Variants in TBC1D19 observed in about 807,000 individuals in gnomAD.
TBC1D19 encodes the protein TBC1 domain family member 19, also known as TBC1 domain family, member 19.
TBC1D19 carries 60 observed loss-of-function variants against 89.0 expected under a neutral mutation model. That is an observed-to-expected ratio of 0.67 (90% CI 0.55 to 0.84). The LOEUF is 0.84. Ranked by LOEUF, TBC1D19 falls within the 40% of genes least tolerant of loss-of-function variation. The probability of loss-of-function intolerance (pLI) is 0.00; values close to 1 mark genes in which losing one functional copy is unlikely to be tolerated. For synonymous variants in TBC1D19, 189 were observed against 199.7 expected, an observed-to-expected ratio of 0.95 and a Z score of 0.45; for missense variants, 500 against 610.8, an observed-to-expected ratio of 0.82 and a Z score of 1.91.
chr4:26,626,688 T>A (rs900193390), intron 4 of TBC1D19, among the ~76,000 whole-genome samples: 1 of 152,030 alleles, frequency 6.6e-6, no homozygotes, highest in Non-Finnish European at 1.5e-5. Context: ...CCAGTAACCT[T>A]GGCAAAAATG....
chr4:26,602,426 T>C (rs1390129827), intron 1 of TBC1D19, among the ~76,000 whole-genome samples: 1 of 146,424 alleles, frequency 6.8e-6, no homozygotes, highest in Non-Finnish European at 1.5e-5. Context: ...TACCAAACCC[T>C]ATTGTATTCT....
chr4:26,644,550 A>C (rs1170825137), intron 7 of TBC1D19, among the ~76,000 whole-genome samples: 1 of 152,210 alleles, frequency 6.6e-6, no homozygotes, highest in African/African-American at 2.4e-5. Flanking sequence ...CCTATTCAAC[A>C]TAGTGTTGGA....
chr4:26,669,350 C>A (rs987599762), intron 9 of TBC1D19, among the ~76,000 whole-genome samples: 1 of 151,716 alleles, frequency 6.6e-6, no homozygotes. Context: ...ATGTTACTAT[C>A]TTATAAAGAC....
the TBC1D19 span, among the ~76,000 whole-genome samples, chr4:26,777,439 T>G: frequency 4.0e-5 from 6 of 150,422 alleles, no homozygotes; most frequent in Non-Finnish European, 8.9e-5. Flanking sequence ...TCTGCCTGTT[T>G]GTTTGGTTTT....
rs548293592 is a variant in TBC1D19 at position 26,660,781 on chromosome 4, C to T, written c.591+1074C>T. Among the ~76,000 whole-genome samples, 184 of 152,330 alleles carry T rather than the reference C, an allele frequency of 1.2e-3. 1 individual carries two copies. Among genetic ancestry groups the T allele is most frequent in the Non-Finnish European group, 2.1e-3 (145 of 68,028 alleles). On this transcript the variant is annotated intron_variant, in intron 8 of 20. Coordinates refer to ENST00000264866, the MANE Select transcript of TBC1D19 (RefSeq NM_018317.4). ...CTGCCTTTGTGTGGCAGCTACACTG[C>T]CCCTCTACAGAGGTATGAATCTCAG...
chr4:26,851,087 A>G, the TBC1D19 span, among the ~76,000 whole-genome samples: 3 of 152,204 alleles, frequency 2.0e-5, no homozygotes, highest in African/African-American at 7.2e-5. Context: ...CAGGTTTCCC[A>G]GCCTTTAGAC....
the TBC1D19 span, among the ~76,000 whole-genome samples, chr4:26,816,394 T>C: frequency 2.6e-5 from 4 of 152,172 alleles, no homozygotes; most frequent in Admixed American, 6.5e-5. Context: ...AATAACTGAT[T>C]CTGGCAGAGG....
upstream of TBC1D19, among the ~76,000 whole-genome samples, chr4:26,581,566 C>T (rs1190760935): frequency 3.9e-5 from 6 of 152,156 alleles, no homozygotes; most frequent in East Asian, 1.2e-3. Flanking sequence ...TTTTTTATGG[C>T]TGCGTAGTAT....
intron 15 of TBC1D19, among the ~76,000 whole-genome samples, chr4:26,732,564 T>C (rs1717730975): frequency 6.6e-6 from 1 of 152,180 alleles, no homozygotes; most frequent in Non-Finnish European, 1.5e-5. Flanking sequence ...GGATGGTTGA[T>C]GGGGCAGGAG....
the TBC1D19 span, among the ~76,000 whole-genome samples, chr4:26,818,683 T>G: frequency 6.6e-6 from 1 of 152,194 alleles, no homozygotes; most frequent in African/African-American, 2.4e-5. Context: ...CAAACACACA[T>G]TTTTGTCCTG....
At chr4:26,806,407 T>G in the TBC1D19 span, among the ~76,000 whole-genome samples, 1 of 152,240 alleles carries the variant, frequency 6.6e-6, no homozygotes, top group Non-Finnish European at 1.5e-5. Flanking sequence ...TGAGTTTAAA[T>G]GTACACTGAA....
chr4:26,722,173 A>C (rs1717021812), intron 15 of TBC1D19, among the ~76,000 whole-genome samples: 1 of 152,178 alleles, frequency 6.6e-6, no homozygotes, highest in Admixed American at 6.6e-5. Flanking sequence ...TTTGAACTCA[A>C]TTAGAGGTTT....
the TBC1D19 span, among the ~76,000 whole-genome samples, chr4:26,801,259 T>A: frequency 6.6e-6 from 1 of 152,006 alleles, no homozygotes; most frequent in Admixed American, 6.5e-5. Flanking sequence ...ATTTATTAAA[T>A]AGGAAATCCT....
At chr4:26,699,004 T>C (rs569281424) in intron 13 of TBC1D19, among the ~76,000 whole-genome samples, 5 of 152,278 alleles carry the variant, frequency 3.3e-5, no homozygotes, top group African/African-American at 7.2e-5. Flanking sequence ...AAAGCCAAAA[T>C]TGACAAATGT....
At chr4:26,621,028 C>G (rs191866761) in intron 4 of TBC1D19, among the ~76,000 whole-genome samples, 1 of 151,956 alleles carries the variant, frequency 6.6e-6, no homozygotes, top group Admixed American at 6.6e-5. Flanking sequence ...GAACTGACAC[C>G]CTCTTTCCTT....
chr4:26,689,288 G>GT (rs35455816), intron 13 of TBC1D19, among the ~76,000 whole-genome samples: 1 of 151,810 alleles, frequency 6.6e-6, no homozygotes, highest in African/African-American at 2.4e-5. Flanking sequence ...AAAATTTTTT[G>GT]TTTTTTTAAG....
intron 7 of TBC1D19, among the ~76,000 whole-genome samples, chr4:26,644,627 A>T (rs1743789786): frequency 6.6e-6 from 1 of 152,248 alleles, no homozygotes; most frequent in African/African-American, 2.4e-5. Flanking sequence ...AGAGGAAGTC[A>T]AACTGTCCCT....
intron 15 of TBC1D19, among the ~76,000 whole-genome samples, chr4:26,734,265 G>A (rs1717832519): frequency 6.6e-6 from 1 of 152,120 alleles, no homozygotes; most frequent in African/African-American, 2.4e-5. Context: ...TTTAAACTGA[G>A]GCTGAACTAT....
chr4:26,769,548 C>CTT, the TBC1D19 span, among the ~76,000 whole-genome samples: 1,513 of 146,078 alleles, frequency 0.01, 10 homozygotes, highest in Non-Finnish European at 0.017. Flanking sequence ...GTTTAAGGTT[C>CTT]TTTTTTTTTT....
Sources: gnomAD v4.1 joint callset for allele counts (sites outside exome capture counted in the v4.1 genomes callset) on GRCh38, gnomAD v4.1.1 for gene constraint, MANE v1.5 for transcripts, NCBI Gene and HGNC (gene_info 2026-07-23, HGNC 2026-07-21) for gene names.